The following INPP4B variants were observed in gnomAD, a reference collection of about 807,000 sequenced individuals.
The protein encoded by INPP4B is inositol polyphosphate-4-phosphatase type II B.
A neutral mutation model predicts 122.5 loss-of-function variants in INPP4B; 55 were observed. The observed-to-expected ratio is 0.45, with a 90% CI of 0.36 to 0.56. INPP4B has a LOEUF of 0.56. Among genes scored for constraint, INPP4B ranks in the 20% least tolerant of loss-of-function variants. INPP4B has a pLI of 0.00. For missense variants in INPP4B, 1,000 were observed against 1,097.7 expected (o/e 0.91, Z 1.26); for synonymous variants, 403 against 388.7 (o/e 1.04, Z -0.43).
intron 2 of INPP4B, among the ~76,000 whole-genome samples, chr4:142,608,405 T>A (rs1741763151): frequency 6.6e-6 from 1 of 152,164 alleles, no homozygotes; most frequent in Admixed American, 6.6e-5. Flanking sequence ...AAAAAATATC[T>A]TTTCTTGACA....
At chr4:142,521,307 T>C (rs536968559) in intron 2 of INPP4B, among the ~76,000 whole-genome samples, 1 of 152,124 alleles carries the variant, frequency 6.6e-6, no homozygotes, top group South Asian at 2.1e-4. Flanking sequence ...AAATATTTCA[T>C]AGCACATTAT....
intron 2 of INPP4B, among the ~76,000 whole-genome samples, chr4:142,637,237 T>C (rs962368465): frequency 3.9e-5 from 6 of 152,144 alleles, no homozygotes; most frequent in African/African-American, 1.4e-4. Context: ...GATTCACTCT[T>C]GTTGTATATT....
chr4:142,596,915 C>T (rs944167988), intron 2 of INPP4B, among the ~76,000 whole-genome samples: 1 of 152,214 alleles, frequency 6.6e-6, no homozygotes, highest in African/African-American at 2.4e-5. Context: ...TTATTTTCTG[C>T]TTTTTGTTTT....
At chr4:142,599,912 C>A (rs1037231141) in intron 2 of INPP4B, among the ~76,000 whole-genome samples, 2 of 151,282 alleles carry the variant, frequency 1.3e-5, no homozygotes, top group South Asian at 2.1e-4. Context: ...TAGACTAGAC[C>A]AAGCAGAAGA....
At chr4:142,088,186 G>A (rs336317) in intron 23 of INPP4B, among the ~76,000 whole-genome samples, 135,859 of 152,184 alleles carry the variant, frequency 0.89, 62,223 homozygotes, top group Non-Finnish European at 0.99. Flanking sequence ...GAAGGAGGCC[G>A]AATATGGAAT....
intron 25 of INPP4B, among the ~76,000 whole-genome samples, chr4:142,073,895 C>T (rs1294941511): frequency 6.6e-6 from 1 of 152,052 alleles, no homozygotes; most frequent in Non-Finnish European, 1.5e-5. Context: ...TGCTACACCT[C>T]ATTTTCCAAG....
At chr4:142,341,450 T>C (rs955741102) in intron 7 of INPP4B, among the ~76,000 whole-genome samples, 1 of 152,066 alleles carries the variant, frequency 6.6e-6, no homozygotes, top group African/African-American at 2.4e-5. Context: ...CTGTGAATCA[T>C]AGCAGCTGTG....
chr4:142,280,615 G>A (rs987028444), intron 9 of INPP4B, among the ~76,000 whole-genome samples: 2 of 151,834 alleles, frequency 1.3e-5, no homozygotes, highest in African/African-American at 4.8e-5. Flanking sequence ...TCATACATGT[G>A]TTAAAATTCA....
rs144373487 is a variant in INPP4B, at chr4:142,127,283, A to C, written c.1721-2523T>G. Among the ~76,000 whole-genome samples, 9 of 152,242 alleles carry C rather than the reference A, an allele frequency of 5.9e-5. No individual in the cohort carries two copies. In the East Asian group the frequency reaches 1.7e-3, roughly 29 times the overall value. On this transcript the variant is annotated intron_variant, in intron 18 of 25. Coordinates refer to ENST00000262992, the MANE Select transcript of INPP4B (RefSeq NM_001101669.3). ...GAAAATTTAAAAAATAACTTAAGTGACCACATTTGTTTTCTTGCAAGACAT... is the reference window on the plus strand; with the variant it reads ...GAAAATTTAAAAAATAACTTAAGTGCCCACATTTGTTTTCTTGCAAGACAT...
At chr4:142,312,708 A>T (rs1765977269) in intron 8 of INPP4B, among the ~76,000 whole-genome samples, 1 of 152,046 alleles carries the variant, frequency 6.6e-6, no homozygotes, top group South Asian at 2.1e-4. Context: ...TCTCACAACA[A>T]GTGGTTGTGG....
At position 142,570,440 on chromosome 4, in the gene INPP4B, T is replaced by C. The variant is rs371370853; in HGVS notation, c.-190-107714A>G. On this transcript the variant is annotated intron_variant, in intron 2 of 25. Coordinates refer to ENST00000262992, the MANE Select transcript of INPP4B (RefSeq NM_001101669.3). Reference sequence around the variant, plus strand: ...GGTAACATTTCTTAAAGTGTTTTAATTGGGTAGGGAAGGAGTAAAATACAA... The same window carrying C: ...GGTAACATTTCTTAAAGTGTTTTAACTGGGTAGGGAAGGAGTAAAATACAA... Among the ~76,000 whole-genome samples the C allele has an allele frequency of 3.3e-5, 5 of 152,052 alleles. No individual in the cohort carries two copies. The East Asian group carries it at 7.7e-4, about 24-fold the overall frequency.
At chr4:142,318,008 T>C (rs1299793354) in intron 7 of INPP4B, among the ~76,000 whole-genome samples, 1 of 152,030 alleles carries the variant, frequency 6.6e-6, no homozygotes, top group African/African-American at 2.4e-5. Context: ...AATAGTAGAG[T>C]GGCATGATCA....
At chr4:142,643,433 G>T (rs1750994476) in intron 2 of INPP4B, among the ~76,000 whole-genome samples, 1 of 152,106 alleles carries the variant, frequency 6.6e-6, no homozygotes, top group Admixed American at 6.6e-5. Flanking sequence ...CAAAGTAATG[G>T]TAATGATTAC....
chr4:142,379,841 A>ATCAGATTG (rs956864018), intron 7 of INPP4B, among the ~76,000 whole-genome samples: 1 of 152,208 alleles, frequency 6.6e-6, no homozygotes, highest in African/African-American at 2.4e-5. Flanking sequence ...GATCACAACC[A>ATCAGATTG]TCAGATTGAG....
At chr4:142,207,328 C>T (rs1320347631) in intron 14 of INPP4B, among the ~76,000 whole-genome samples, 1 of 152,128 alleles carries the variant, frequency 6.6e-6, no homozygotes, top group South Asian at 2.1e-4. Context: ...TGGACCCTAT[C>T]GTAGCTTTAC....
At chr4:142,455,636 C>A in intron 3 of INPP4B, among the ~76,000 whole-genome samples, 1 of 151,972 alleles carries the variant, frequency 6.6e-6, no homozygotes, top group East Asian at 1.9e-4. Flanking sequence ...GATATCTCTT[C>A]TATATACTGT....
chr4:142,091,156 C>A (rs7658347), intron 23 of INPP4B, among the ~76,000 whole-genome samples: 1 of 152,080 alleles, frequency 6.6e-6, no homozygotes, highest in Non-Finnish European at 1.5e-5. Flanking sequence ...TTGTTTCTTA[C>A]GAAAATTCCA....
At chr4:142,046,666 T>C (rs985501106) in intron 25 of INPP4B, among the ~76,000 whole-genome samples, 10 of 152,084 alleles carry the variant, frequency 6.6e-5, no homozygotes, top group African/African-American at 2.4e-4. Context: ...GGCCCCTAAA[T>C]TCTAGGTAAT....
chr4:142,552,430 TA>T (rs560749007), intron 2 of INPP4B, among the ~76,000 whole-genome samples: 94 of 144,192 alleles, frequency 6.5e-4, no homozygotes, highest in Non-Finnish European at 9.9e-4. Flanking sequence ...CTTGAAGTCT[TA>T]AAAAAAAAAA....
Sources: gnomAD v4.1 joint callset for allele counts (sites outside exome capture counted in the v4.1 genomes callset) on GRCh38, gnomAD v4.1.1 for gene constraint, MANE v1.5 for transcripts, NCBI Gene and HGNC (gene_info 2026-07-23, HGNC 2026-07-21) for gene names.